Variants in SIL1 observed in about 807,000 individuals in gnomAD.
SIL1 encodes SIL1 nucleotide exchange factor, also known as nucleotide exchange factor SIL1.
In SIL1, 40 loss-of-function variants were observed where a neutral mutation model predicts 49.1. That is an observed-to-expected ratio of 0.81 (90% CI 0.63 to 1.06). SIL1 has a LOEUF of 1.06. SIL1 is among the 50% of genes least tolerant of loss of function. The pLI is 0.00. For missense variants in SIL1, 500 were observed against 572.6 expected (o/e 0.87, Z 1.29); for synonymous variants, 253 against 250.8 (o/e 1.01, Z -0.08).
At chr5:139,108,703 G>A (rs1770778860) in intron 3 of SIL1, among the ~76,000 whole-genome samples, 1 of 152,172 alleles carries the variant, frequency 6.6e-6, no homozygotes, top group African/African-American at 2.4e-5. Context: ...TACGTGGCTG[G>A]AAGAATAGGC....
At chr5:139,073,505 G>T (rs930650099) in intron 3 of SIL1, among the ~76,000 whole-genome samples, 1 of 152,188 alleles carries the variant, frequency 6.6e-6, no homozygotes, top group Non-Finnish European at 1.5e-5. Flanking sequence ...GAAGCAGAGA[G>T]CAGAATCATA....
intron 1 of SIL1, among the ~76,000 whole-genome samples, chr5:139,173,790 CAAAAAA>C (rs70982756): frequency 1.9e-5 from 2 of 106,368 alleles, no homozygotes; most frequent in Admixed American, 1.1e-4. Flanking sequence ...ACTAAAAATA[CAAAAAA>C]AAAAAAAAAA....
At chr5:138,998,738 T>C (rs1767925892) in intron 7 of SIL1, among the ~76,000 whole-genome samples, 1 of 152,090 alleles carries the variant, frequency 6.6e-6, no homozygotes, top group Non-Finnish European at 1.5e-5. Context: ...TCACAAGGGA[T>C]TTGCCCCCTG....
Position 139,172,458 on chromosome 5 carries a change from C to T in SIL1, c.-11+25811G>A, listed in dbSNP as rs190660243. Among the ~76,000 whole-genome samples, 1,253 of 152,126 alleles carry T rather than the reference C, an allele frequency of 8.2e-3. 14 individuals carry two copies. Among genetic ancestry groups the T allele is most frequent in the African/African-American group, 0.028 (1,174 of 41,482 alleles). ...ACCAGCCTAGCCAACATGGCAAAACCCTGTCTCTACTAAAAATACAAAAAA... is the reference window on the plus strand; with the variant it reads ...ACCAGCCTAGCCAACATGGCAAAACTCTGTCTCTACTAAAAATACAAAAAA... On this transcript the variant is annotated intron_variant, in intron 1 of 9. Coordinates refer to ENST00000394817, the MANE Select transcript of SIL1 (RefSeq NM_022464.5).
At chr5:139,109,259 A>T (rs1312152013) in intron 3 of SIL1, among the ~76,000 whole-genome samples, 1 of 152,202 alleles carries the variant, frequency 6.6e-6, no homozygotes, top group East Asian at 1.9e-4. Flanking sequence ...CAATTCCTCC[A>T]GCCTCTACAT....
chr5:139,180,246 T>C (rs1346554532), intron 1 of SIL1, among the ~76,000 whole-genome samples: 2 of 151,620 alleles, frequency 1.3e-5, no homozygotes, highest in Middle Eastern at 3.4e-3. Context: ...CCAGGCATAG[T>C]GGTGTGCACC....
At chr5:139,087,908 G>A (rs1332562422) in intron 3 of SIL1, among the ~76,000 whole-genome samples, 2 of 152,148 alleles carry the variant, frequency 1.3e-5, no homozygotes, top group African/African-American at 4.8e-5. Context: ...AGTGGCTAAT[G>A]TGGCTAGCAT....
At chr5:139,184,617 G>A (rs961778526) in intron 1 of SIL1, among the ~76,000 whole-genome samples, 3 of 152,146 alleles carry the variant, frequency 2.0e-5, no homozygotes, top group Non-Finnish European at 2.9e-5. Context: ...AGGTTGCAGT[G>A]AGCTACGATC....
intron 3 of SIL1, among the ~76,000 whole-genome samples, chr5:139,119,024 G>A (rs1030803279): frequency 3.9e-5 from 6 of 152,218 alleles, no homozygotes; most frequent in South Asian, 2.1e-4. Context: ...GGGCCTCTGC[G>A]TCTGGGTGCA....
intron 7 of SIL1, among the ~76,000 whole-genome samples, chr5:138,988,353 C>T (rs1767686115): frequency 6.6e-6 from 1 of 152,194 alleles, no homozygotes; most frequent in Non-Finnish European, 1.5e-5. Context: ...TTTTGAATTA[C>T]ACAGATTCCC....
At chr5:139,197,651 C>T (rs924996559) in intron 1 of SIL1, among the ~76,000 whole-genome samples, 2 of 152,168 alleles carry the variant, frequency 1.3e-5, no homozygotes, top group Non-Finnish European at 2.9e-5. Context: ...TCTCTCCTGA[C>T]TTCTGAAGCA....
At chr5:139,169,499 CAG>C (rs1470372756) in intron 1 of SIL1, among the ~76,000 whole-genome samples, 6 of 140,888 alleles carry the variant, frequency 4.3e-5, no homozygotes, top group Admixed American at 7.3e-5. Context: ...TTTTTTGAGA[CAG>C]AGTCTTGCTC....
chr5:139,074,783 C>T (rs1187347722), intron 3 of SIL1, among the ~76,000 whole-genome samples: 2 of 152,064 alleles, frequency 1.3e-5, no homozygotes, highest in African/African-American at 2.4e-5. Context: ...CCTTCATCCC[C>T]TCTTGCCTTC....
At chr5:139,048,373 T>C (rs1220951398) in intron 4 of SIL1, among the ~76,000 whole-genome samples, 1 of 134,634 alleles carries the variant, frequency 7.4e-6, no homozygotes, top group Non-Finnish European at 1.6e-5. Context: ...TTGTTGGTTT[T>C]TTTTTTTTTT....
chr5:138,971,648 C>A (rs1457921316), intron 7 of SIL1, among the ~76,000 whole-genome samples: 2 of 152,298 alleles, frequency 1.3e-5, no homozygotes, highest in East Asian at 3.9e-4. Context: ...AGAGTTGCTC[C>A]CCATTCACAC....
At chr5:139,060,611 T>C (rs1769564368) in intron 3 of SIL1, among the ~76,000 whole-genome samples, 1 of 152,082 alleles carries the variant, frequency 6.6e-6, no homozygotes, top group Non-Finnish European at 1.5e-5. Context: ...CCCTAGGACA[T>C]TTGAGAATTA....
At chr5:139,037,070 G>A (rs984811772) in intron 5 of SIL1, among the ~76,000 whole-genome samples, 3 of 151,608 alleles carry the variant, frequency 2.0e-5, no homozygotes, top group Admixed American at 1.3e-4. Context: ...AAAGTGTCTT[G>A]ACTTCCCTTT....
At chr5:139,168,003 C>T (rs558212964) in intron 1 of SIL1, among the ~76,000 whole-genome samples, 1 of 152,280 alleles carries the variant, frequency 6.6e-6, no homozygotes, top group South Asian at 2.1e-4. Context: ...ATCTTTTATA[C>T]TACATTTTTA....
At chr5:139,029,055 A>C (rs1189472221) in intron 5 of SIL1, among the ~76,000 whole-genome samples, 2 of 152,234 alleles carry the variant, frequency 1.3e-5, no homozygotes, top group Non-Finnish European at 2.9e-5. Flanking sequence ...GCAGGTGGAC[A>C]ACTTGAGCTC....
Sources: gnomAD v4.1 joint callset for allele counts (sites outside exome capture counted in the v4.1 genomes callset) on GRCh38, gnomAD v4.1.1 for gene constraint, MANE v1.5 for transcripts, NCBI Gene and HGNC (gene_info 2026-07-23, HGNC 2026-07-21) for gene names.